Variants in DDX42 observed in about 807,000 individuals in gnomAD.
DDX42 encodes the protein DEAD-box helicase 42.
In DDX42, 22 loss-of-function variants were observed where a neutral mutation model predicts 101.5. That is an observed-to-expected ratio of 0.22 (90% CI 0.15 to 0.31). DDX42 has a LOEUF of 0.31. Ranked by LOEUF, DDX42 falls within the 10% of genes least tolerant of loss-of-function variation. The probability of loss-of-function intolerance (pLI) is 1.00; values close to 1 mark genes in which losing one functional copy is unlikely to be tolerated. For synonymous variants in DDX42, 402 were observed against 401.2 expected (o/e 1.00, Z -0.02); for missense variants, 849 against 1,199.9 (o/e 0.71, Z 4.32).
chr17:63,781,178 A>G (rs1409886652), intron 1 of DDX42, among the ~76,000 whole-genome samples: 1 of 152,076 alleles, frequency 6.6e-6, no homozygotes, highest in African/African-American at 2.4e-5. Context: ...GCTTTCACTG[A>G]TGACTCCTGG....
At chr17:63,788,125 A>C (rs1245767620) in intron 2 of DDX42, among the ~76,000 whole-genome samples, 1 of 151,658 alleles carries the variant, frequency 6.6e-6, no homozygotes, top group Non-Finnish European at 1.5e-5. Context: ...GGCTGGTCTC[A>C]AACTCCTGAC....
chr17:63,810,459 G>C, intron 11 of DDX42, 54 bp from the exon 12 acceptor site: 1 of 1,579,252 alleles, frequency 6.3e-7, no homozygotes, highest in South Asian at 1.1e-5. Context: ...CTTTTTCCAG[G>C]CTTCCCAAAC....
chr17:63,799,018 C>A (rs1184743273), intron 4 of DDX42, among the ~76,000 whole-genome samples: 1 of 152,190 alleles, frequency 6.6e-6, no homozygotes, highest in Non-Finnish European at 1.5e-5. Flanking sequence ...GCTCCTGAGA[C>A]ATACAGCAAG....
chr17:63,781,838 G>C (rs1023018068), intron 1 of DDX42, among the ~76,000 whole-genome samples: 1 of 136,198 alleles, frequency 7.3e-6, no homozygotes, highest in Non-Finnish European at 1.6e-5. Context: ...GTGAAACCCC[G>C]TCTCTACTAA....
At chr17:63,816,206 T>C (rs1204443609) in intron 16 of DDX42, among the ~76,000 whole-genome samples, 2 of 152,192 alleles carry the variant, frequency 1.3e-5, no homozygotes, top group Non-Finnish European at 2.9e-5. Context: ...TAACTGCCTG[T>C]TTTCTGTCAC....
rs551335265 is a variant in DDX42, at chr17:63,781,507, G to A, written c.-16-5527G>A. On this transcript the variant is annotated intron_variant, in intron 1 of 17. Coordinates refer to ENST00000389924, the MANE Select transcript of DDX42 (RefSeq NM_203499.3). ...GCTGGGATTACAGGCGTGAGCCACC[G>A]TGCCTGGCACATTTTAGTTCTTAAC... is the stretch of plus-strand genomic sequence containing the variant. Among the ~76,000 whole-genome samples, 19 of 151,722 alleles carry A rather than the reference G, an allele frequency of 1.3e-4. 1 individual carries two copies. In the South Asian group the frequency reaches 4.0e-3, roughly 32 times the overall value.
chr17:63,814,092 G>A (rs115337800), intron 15 of DDX42, among the ~76,000 whole-genome samples: 3 of 152,124 alleles, frequency 2.0e-5, no homozygotes, highest in Middle Eastern at 3.4e-3. Flanking sequence ...CGCCCGCCTC[G>A]GCCTCAACCT....
chr17:63,806,948 C>G (rs903766242), intron 8 of DDX42, among the ~76,000 whole-genome samples: 13 of 152,142 alleles, frequency 8.5e-5, no homozygotes, highest in African/African-American at 3.1e-4. Context: ...CTTCGTTCGT[C>G]ACTTGAAAAT....
intron 16 of DDX42, 68 bp from the exon 17 acceptor site, chr17:63,816,800 G>GGCC: frequency 7.9e-7 from 1 of 1,267,048 alleles, no homozygotes; most frequent in Middle Eastern, 1.9e-4. Context: ...TTCATAATGA[G>GGCC]GCCTAGTCTA....
chr17:63,775,496 G>A (rs541638455), intron 1 of DDX42, among the ~76,000 whole-genome samples: 7 of 152,288 alleles, frequency 4.6e-5, no homozygotes, highest in African/African-American at 1.7e-4. Flanking sequence ...GGAGGTGGTG[G>A]TGTTGGAATT....
intron 1 of DDX42, among the ~76,000 whole-genome samples, chr17:63,785,497 C>A (rs1172728329): frequency 6.8e-6 from 1 of 146,106 alleles, no homozygotes; most frequent in Admixed American, 6.9e-5. Context: ...TGCAGTGGCT[C>A]ATGCCTGTAA....
At chr17:63,801,018 TTCTTTCTTCTCTTC>T (rs977368804) in intron 6 of DDX42, among the ~76,000 whole-genome samples, 94 of 149,982 alleles carry the variant, frequency 6.3e-4, no homozygotes, top group South Asian at 3.3e-3. Flanking sequence ...TCTTTCTTCT[TTCTTTCTTCTCTTC>T]TCTTTCTTCT....
chr17:63,790,951 A>G (rs540083940), intron 2 of DDX42, among the ~76,000 whole-genome samples: 4 of 152,288 alleles, frequency 2.6e-5, no homozygotes, highest in South Asian at 4.1e-4. Flanking sequence ...AAGCATATAT[A>G]CTATATAGTT....
Position 63,818,268 on chromosome 17 carries a change from T to C in DDX42, c.2687T>C (p.Met896Thr). The C allele has an allele frequency of 2.5e-6, 4 of 1,614,014 alleles. No individual in the cohort carries two copies. The highest frequency in any genetic ancestry group is 3.4e-6 in the Non-Finnish European group (4 of 1,179,970). The stretch of plus-strand genomic sequence containing the variant: ...GAAGCTTTTAATCGTGAGAGCAAGA[T>C]GGAGCCCAAGATGGAACCCAAAGTG... ...RKEAFNRESK[M>T]EPKMEPKVDS... is the part of the protein sequence containing the mutation. Residue 896 changes from methionine to threonine, a missense_variant, in exon 18 of 18, where the codon ATG becomes ACG. This residue lies in a region of DDX42 where 300 missense variants were observed against 304.9 expected (regional missense o/e 0.98). Transcript: ENST00000389924.
At position 63,806,624 on chromosome 17, in the gene DDX42, A is replaced by G. The variant is rs1159843810; in HGVS notation, c.816A>G (p.Glu272=). ...EQLMHQIRKS[E]YTQPTPIQCQ... ...TTATGCACCAGATTCGGAAATCTGAATACACACAGCCCACTCCAATACAGT... is the reference window on the plus strand; with the variant it reads ...TTATGCACCAGATTCGGAAATCTGAGTACACACAGCCCACTCCAATACAGT... Residue 272 remains glutamate (E), a synonymous_variant, in exon 8 of 18, where the codon GAA becomes GAG. Transcript: ENST00000389924. 1.2e-6 allele frequency: 2 copies of G among 1,613,580 alleles called. No individual in the cohort carries two copies. The highest frequency in any genetic ancestry group is 2.2e-5 in the South Asian group (2 of 90,942).
At chr17:63,781,591 C>G (rs2039488579) in intron 1 of DDX42, among the ~76,000 whole-genome samples, 1 of 152,132 alleles carries the variant, frequency 6.6e-6, no homozygotes, top group Non-Finnish European at 1.5e-5. Context: ...ACCCGTGTTC[C>G]TCCTTGTCTC....
intron 3 of DDX42, 68 bp downstream of exon 3, chr17:63,792,630 A>G: frequency 6.9e-7 from 1 of 1,459,268 alleles, no homozygotes; most frequent in East Asian, 2.5e-5. Context: ...TTAGTACTTC[A>G]AATCTTATTC....
intron 6 of DDX42, among the ~76,000 whole-genome samples, chr17:63,801,304 C>T (rs2039766488): frequency 6.6e-6 from 1 of 152,074 alleles, no homozygotes. Context: ...ATCCCCCTGC[C>T]TCGGCCTCCC....
chr17:63,808,138 T>G (rs1393465396), intron 9 of DDX42, among the ~76,000 whole-genome samples: 1 of 152,212 alleles, frequency 6.6e-6, no homozygotes, highest in Non-Finnish European at 1.5e-5. Flanking sequence ...TATAACCAAA[T>G]ACATATTTTC....
Sources: gnomAD v4.1 joint callset for allele counts (sites outside exome capture counted in the v4.1 genomes callset) on GRCh38, gnomAD v4.1.1 for gene constraint, gnomAD v4.1.1 regional missense constraint, MANE v1.5 for transcripts, NCBI Gene and HGNC (gene_info 2026-07-23, HGNC 2026-07-21) for gene names.